The following RBM45 variants were observed in gnomAD, a reference collection of about 807,000 sequenced individuals.
RBM45 encodes RNA-binding protein 45.
RBM45 carries 39 observed loss-of-function variants against 58.5 expected under a neutral mutation model. The ratio of observed to expected loss-of-function variants is 0.67; its 90% confidence interval spans 0.52 to 0.87. The LOEUF (loss-of-function observed/expected upper bound fraction) is 0.87, where lower values mean the gene tolerates loss of function less well. Ranked by LOEUF, RBM45 falls within the 40% of genes least tolerant of loss-of-function variation. RBM45 has a pLI of 0.00. For missense variants in RBM45, 481 were observed against 581.6 expected (o/e 0.83, Z 1.78); for synonymous variants, 193 against 203.0 (o/e 0.95, Z 0.42).
intron 3 of RBM45, among the ~76,000 whole-genome samples, chr2:178,119,814 C>A (rs2087825301): frequency 6.6e-6 from 1 of 151,894 alleles, no homozygotes; most frequent in Non-Finnish European, 1.5e-5. Flanking sequence ...AACCCTTGAT[C>A]CAGAAGCAAA....
Position 178,126,090 on chromosome 2 carries a change from G to A in RBM45, c.1339G>A (p.Gly447Arg), listed in dbSNP as rs753325590. 2 of 1,613,846 alleles carry A rather than the reference G, an allele frequency of 1.2e-6. No homozygotes were observed. Among genetic ancestry groups the A allele is most frequent in the Admixed American group, 3.3e-5 (2 of 60,022 alleles). The change falls in exon 9 of 10, where the codon GGA becomes AGA. Residue 447 changes from glycine (G) to arginine (R), a missense_variant. Coordinates refer to ENST00000286070, the MANE Select transcript of RBM45 (RefSeq NM_152945.4). ...TAATGATGCCATTGCCACTCTACAT[G>A]GAAAGATTCTGAATGGGGTGAGACT... is the stretch of plus-strand genomic sequence containing the variant. ...SANDAIATLH[G>R]KILNGVRLKV...
intron 1 of RBM45, among the ~76,000 whole-genome samples, chr2:178,115,058 C>G (rs1456342882): frequency 6.6e-6 from 1 of 152,182 alleles, no homozygotes; most frequent in Non-Finnish European, 1.5e-5. Context: ...CAGCCCTCAG[C>G]CAGAAAAGAT....
chr2:178,121,301 T>G lies in RBM45; in HGVS notation c.795T>G (p.Phe265Leu), dbSNP rs759169572. The change falls in exon 5 of 10, where the codon TTT becomes TTG. Residue 265 changes from phenylalanine to leucine, a missense_variant. By Grantham distance (22) the Phe-to-Leu change is conservative (BLOSUM62 0). Transcript: ENST00000286070. ...PFTEEQLFSIFDIVPGLEYCE... is the reference protein window; with the variant it reads ...PFTEEQLFSILDIVPGLEYCE... ...CTGAAGAACAGCTTTTCAGCATTTT[T>G]GATATAGTACCAGGATTGGAATATT... The G allele has an allele frequency of 1.9e-6, 3 of 1,607,086 alleles. No homozygotes were observed. The East Asian group carries it at 6.7e-5, about 36-fold the overall frequency.
chr2:178,118,002 C>T, intron 2 of RBM45, 53 bp from the exon 3 acceptor site: 3 of 1,448,174 alleles, frequency 2.1e-6, no homozygotes, highest in Non-Finnish European at 2.8e-6. Context: ...TTCTGAAATA[C>T]TCTGTTCAAT....
At chr2:178,126,749 T>C (rs537462578) in intron 9 of RBM45, among the ~76,000 whole-genome samples, 37 of 152,238 alleles carry the variant, frequency 2.4e-4, no homozygotes, top group Non-Finnish European at 3.5e-4. Flanking sequence ...AATATTCTCG[T>C]ATGCATATAT....
In RBM45 at chr2:178,120,390, A is replaced by C; in HGVS notation, c.654A>C (p.Arg218Ser). 1.2e-6 allele frequency: 2 copies of C among 1,611,244 alleles called. No homozygotes were observed. Among genetic ancestry groups the C allele is most frequent in the Non-Finnish European group, 1.7e-6 (2 of 1,179,044 alleles). Residue 218 changes from arginine (R) to serine (S), a missense_variant, in exon 4 of 10, where the codon AGA (arginine) becomes AGC (serine). Physicochemically the swap from Arg to Ser is moderately radical, Grantham distance 110 (BLOSUM62 -1). Transcript: ENST00000286070. Reference sequence around the variant, plus strand: ...AAGAAGCTTTGGGACATGAACCTAGAGTAAATATGTTTCCATTTGGTAAGT... The same window carrying C: ...AAGAAGCTTTGGGACATGAACCTAGCGTAAATATGTTTCCATTTGGTAAGT... ...MRQEALGHEP[R>S]VNMFPFEQQS...
intron 2 of RBM45, among the ~76,000 whole-genome samples, chr2:178,117,110 C>G (rs949159621): frequency 1.1e-4 from 16 of 151,964 alleles, no homozygotes; most frequent in Admixed American, 1.0e-3. Flanking sequence ...TATCTTTTTT[C>G]TACTAATCCT....
At chr2:178,128,879 C>G (rs1477757569) in intron 9 of RBM45, among the ~76,000 whole-genome samples, 15 of 152,094 alleles carry the variant, frequency 9.9e-5, no homozygotes, top group Admixed American at 9.8e-4. Flanking sequence ...CGATAAAATA[C>G]TGTGGAAGAC....
At position 178,118,228 on chromosome 2, in the gene RBM45, A is replaced by T. The variant is rs368724642; in HGVS notation, c.550+47A>T. 33 of 1,522,732 alleles carry T rather than the reference A, an allele frequency of 2.2e-5. No homozygotes were observed. The African/African-American group carries it at 3.6e-4, about 17-fold the overall frequency. The allele number at this position is 1,522,732 out of a possible 1,614,324, so 94.3% of individuals were successfully genotyped here. ...TTAAAAACTTTTGTAAAAAATTCTG[A>T]TTATTCTAAATAGCTGAATTTAATA... On this transcript the variant is annotated intron_variant, in intron 3 of 9. Transcript: ENST00000286070.
Position 178,123,846 on chromosome 2 carries a change from A to G in RBM45, c.1002A>G (p.Ala334=), listed in dbSNP as rs2087889886. The G allele has an allele frequency of 1.9e-6, 3 of 1,613,882 alleles. No homozygotes were observed. The highest frequency in any genetic ancestry group is 2.7e-5 in the African/African-American group (2 of 74,926). Residue 334 remains alanine (A), a synonymous_variant, in exon 7 of 10, where the codon GCA becomes GCG. Transcript: ENST00000286070. ...SNATDLLRKM[A]TQMVAAQLAS... ...TTTCCAGTCTCCTTAGAAAAATGGC[A>G]ACACAGATGGTAGCTGCACAGCTTG...
chr2:178,114,168 G>T (rs928105533), intron 1 of RBM45, among the ~76,000 whole-genome samples: 1 of 152,152 alleles, frequency 6.6e-6, no homozygotes, highest in African/African-American at 2.4e-5. Context: ...ACATAACCTT[G>T]TCTGTTTTTA....
intron 8 of RBM45, chr2:178,125,678 G>T: frequency 1.9e-6 from 1 of 532,034 alleles, no homozygotes; most frequent in Non-Finnish European, 3.7e-6. Flanking sequence ...GGGAGTAAAT[G>T]ATCATATTTA....
chr2:178,123,463 A>G, intron 5 of RBM45, 59 bp from the exon 6 acceptor site: 1 of 1,498,194 alleles, frequency 6.7e-7, no homozygotes, highest in Non-Finnish European at 8.9e-7. Flanking sequence ...AGATTGTAAC[A>G]TAGGCCTTAG....
At position 178,112,475 on chromosome 2, in the gene RBM45, T is replaced by C. The variant is rs1223633115; in HGVS notation, c.-72T>C. 1.4e-6 allele frequency: 2 copies of C among 1,408,008 alleles called. No homozygotes were observed. The highest frequency in any genetic ancestry group is 3.7e-5 in the Admixed American group (2 of 54,332). 87.2% of individuals were successfully genotyped at this position (1,408,008 alleles called of 1,614,324 possible). A position where few individuals can be genotyped will look rare whatever the true frequency, so the allele number is the denominator to read the frequency against. On this transcript the variant is annotated 5_prime_UTR_variant, in exon 1 of 10. Transcript: ENST00000286070. The stretch of plus-strand genomic sequence containing the variant: ...AGCACCGAGCCGGCAAAGGCTTGGG[T>C]GTGAGACAGCAGCGGTGGCAGACAC...
intron 4 of RBM45, 120 bp downstream of exon 4, chr2:178,120,529 A>G (rs566733144): frequency 2.9e-5 from 26 of 892,056 alleles, no homozygotes; most frequent in African/African-American, 7.0e-5. Flanking sequence ...AAAATCTTAA[A>G]TGTAGTTTTT....
At chr2:178,133,116 T>G (rs1220149762), downstream of RBM45, among the ~76,000 whole-genome samples, 2 of 152,208 alleles carry the variant, frequency 1.3e-5, no homozygotes, top group Non-Finnish European at 2.9e-5. Context: ...TGTTTCCTAG[T>G]CTTTTTACCT....
At chr2:178,132,960 G>A (rs927873261), downstream of RBM45, among the ~76,000 whole-genome samples, 14 of 152,166 alleles carry the variant, frequency 9.2e-5, no homozygotes, top group African/African-American at 2.7e-4. Flanking sequence ...AGGTATACTG[G>A]TTCTGCAGGT....
At chr2:178,132,159 C>T (rs1299384206), downstream of RBM45, among the ~76,000 whole-genome samples, 7 of 152,152 alleles carry the variant, frequency 4.6e-5, no homozygotes, top group Non-Finnish European at 7.4e-5. Context: ...TTAAAGCCTT[C>T]TTGTAAATTC....
intron 1 of RBM45, among the ~76,000 whole-genome samples, chr2:178,115,912 G>C (rs148318673): frequency 6.6e-6 from 1 of 152,142 alleles, no homozygotes; most frequent in Non-Finnish European, 1.5e-5. Context: ...CAGCACTTTG[G>C]AAGGTCAAAG....
Sources: gnomAD v4.1 joint callset for allele counts (sites outside exome capture counted in the v4.1 genomes callset) on GRCh38, gnomAD v4.1.1 for gene constraint, MANE v1.5 for transcripts, NCBI Gene and HGNC (gene_info 2026-07-23, HGNC 2026-07-21) for gene names.